Variants in IPO7 observed in about 807,000 individuals in gnomAD.
IPO7 encodes the protein importin 7.
Under a neutral mutation model 136.4 loss-of-function variants are expected in IPO7, and 13 were observed. The ratio of observed to expected loss-of-function variants is 0.10; its 90% CI spans 0.06 to 0.15. The LOEUF is 0.15. Among genes scored for constraint, IPO7 ranks in the 10% least tolerant of loss-of-function variants. IPO7 has a pLI of 1.00. For missense variants in IPO7, 857 were observed against 1,240.6 expected (o/e 0.69, Z 4.65); for synonymous variants, 403 against 404.4 (o/e 1.00, Z 0.04).
chr11:9,384,834 GC>G lies in IPO7; in HGVS notation c.73del (p.Gln25SerfsTer9). The G allele has an allele frequency of 6.2e-7, 1 of 1,600,896 alleles. No homozygotes were observed. Among genetic ancestry groups the G allele is most frequent in the East Asian group, 2.3e-5 (1 of 44,172 alleles). On this transcript the variant is annotated frameshift_variant, in exon 1 of 25. Coordinates refer to ENST00000379719, the MANE Select transcript of IPO7 (RefSeq NM_006391.3). LOFTEE classifies it high-confidence loss of function. ...MDPALREAAE[R>X]QLNEAHKSLN... The stretch of plus-strand genomic sequence containing the variant: ...CCAGCCCTGCGTGAGGCCGCGGAGC[GC>G]CAGCTCAATGAAGTAAGGACGCCCG...
rs746498310 is a variant in IPO7 at position 9,429,005 on chromosome 11, A to G, written c.1426-26A>G. On this transcript the variant is annotated intron_variant, in intron 13 of 24. Transcript: ENST00000379719. ...GGGGAATTTAAGGTAAGGTATCTAC[A>G]GTAACTCACTGTGTTTTTACAAAAG... The G allele has an allele frequency of 1.1e-5, 18 of 1,602,126 alleles. No individual in the cohort carries two copies. In the South Asian group the frequency reaches 1.7e-4, roughly 15 times the overall value.
Position 9,433,770 on chromosome 11 carries a change from A to G in IPO7, c.1998A>G (p.Gln666=). The change falls in exon 18 of 25, where the codon CAA becomes CAG. Residue 666 remains glutamine (Q), a synonymous_variant. Coordinates refer to ENST00000379719, the MANE Select transcript of IPO7 (RefSeq NM_006391.3). Reference sequence around the variant, plus strand: ...TAGCGCACAGTTTGACATGTCAACAAGTGTCTCCACAGATGTGGCAGCTAC... The same window carrying G: ...TAGCGCACAGTTTGACATGTCAACAGGTGTCTCCACAGATGTGGCAGCTAC... The part of the protein sequence containing the change: ...FSLAHSLTCQ[Q]VSPQMWQLLP... 6.2e-7 allele frequency: 1 copy of G among 1,611,848 alleles called. No homozygotes were observed. The highest frequency in any genetic ancestry group is 8.5e-7 in the Non-Finnish European group (1 of 1,179,740).
chr11:9,411,616 A>G (rs1854969238), intron 4 of IPO7, among the ~76,000 whole-genome samples: 1 of 152,142 alleles, frequency 6.6e-6, no homozygotes. Context: ...TTTGGATGTG[A>G]TCTTTTAGAT....
chr11:9,394,411 A>G (rs981742979), intron 1 of IPO7, among the ~76,000 whole-genome samples: 1 of 152,102 alleles, frequency 6.6e-6, no homozygotes, highest in Non-Finnish European at 1.5e-5. Context: ...TTGGCTGTAT[A>G]GTAGAATAGG....
At chr11:9,392,008 G>A (rs1854640149) in intron 1 of IPO7, among the ~76,000 whole-genome samples, 1 of 152,000 alleles carries the variant, frequency 6.6e-6, no homozygotes, top group South Asian at 2.1e-4. Context: ...AATTACAGGT[G>A]CGAGTCACTG....
At chr11:9,401,698 A>G (rs139249172) in intron 1 of IPO7, among the ~76,000 whole-genome samples, 590 of 152,308 alleles carry the variant, frequency 3.9e-3, no homozygotes, top group African/African-American at 0.014. Flanking sequence ...GGGAAATTCT[A>G]TTGCATATTC....
intron 1 of IPO7, chr11:9,392,308 G>C (rs757017563): frequency 3.2e-6 from 1 of 315,504 alleles, no homozygotes; most frequent in Non-Finnish European, 6.2e-6. Flanking sequence ...CTCTTGAGTA[G>C]CTGGGATTAC....
chr11:9,428,860 CATGCGG>C (rs1367722524), intron 13 of IPO7, 165 bp from the exon 14 acceptor site: 1 of 795,264 alleles, frequency 1.3e-6, no homozygotes, highest in Non-Finnish European at 2.3e-6. Flanking sequence ...ACACAAACAT[CATGCGG>C]CCAAAGAGTA....
chr11:9,425,562 G>A (rs1855192173), intron 12 of IPO7, among the ~76,000 whole-genome samples: 3 of 152,100 alleles, frequency 2.0e-5, no homozygotes, highest in Non-Finnish European at 4.4e-5. Flanking sequence ...CCAACATGGT[G>A]AAACCCCGTC....
At chr11:9,419,545 T>TAAAAAAAA (rs1178586532) in intron 6 of IPO7, among the ~76,000 whole-genome samples, 19 of 91,694 alleles carry the variant, frequency 2.1e-4, no homozygotes, top group East Asian at 1.3e-3. Flanking sequence ...AGACTCTGTC[T>TAAAAAAAA]AAAAAAAAAA....
intron 1 of IPO7, among the ~76,000 whole-genome samples, chr11:9,397,494 G>A (rs1371311703): frequency 1.3e-5 from 2 of 150,178 alleles, no homozygotes; most frequent in African/African-American, 4.9e-5. Flanking sequence ...GCCTCCCAAA[G>A]CACTGGGATT....
At chr11:9,392,031 T>G (rs1854640517) in intron 1 of IPO7, among the ~76,000 whole-genome samples, 2 of 152,074 alleles carry the variant, frequency 1.3e-5, no homozygotes, top group Admixed American at 6.6e-5. Context: ...CTTGGCTTAT[T>G]ACTGTTTTTT....
Position 9,436,260 on chromosome 11 carries a change from G to A in IPO7, c.2173-11G>A. On this transcript the variant is annotated splice_polypyrimidine_tract_variant and intron_variant, in intron 19 of 24. Coordinates refer to ENST00000379719, the MANE Select transcript of IPO7 (RefSeq NM_006391.3). ...AAAGCCTTACTGCAATTTATATTCT[G>A]TTTTGATCAGGTTCTTACAGGAGTT... 1 of 1,595,294 alleles carries A rather than the reference G, an allele frequency of 6.3e-7. No individual in the cohort carries two copies. The highest frequency in any genetic ancestry group is 1.7e-5 in the Admixed American group (1 of 59,784).
At position 9,447,717 on chromosome 11, in the gene IPO7, A is replaced by T. The variant is rs1855547735; in HGVS notation, c.*2523A>T. 1 of 152,176 alleles carries T rather than the reference A, an allele frequency of 6.6e-6. No individual in the cohort carries two copies. The highest frequency in any genetic ancestry group is 2.4e-5 in the African/African-American group (1 of 41,462). 9.4% of individuals were successfully genotyped at this position (152,176 alleles called of 1,614,324 possible). A position where few individuals can be genotyped will look rare whatever the true frequency, so the allele number is the denominator to read the frequency against. On this transcript the variant is annotated 3_prime_UTR_variant, in exon 25 of 25. Transcript: ENST00000379719. ...GTATTTGTCTTTGTTAATGGCACAT[A>T]TTAGCATAAATCACTTTTGTAAATG...
At chr11:9,397,827 A>G (rs147000130) in intron 1 of IPO7, among the ~76,000 whole-genome samples, 1 of 152,240 alleles carries the variant, frequency 6.6e-6, no homozygotes, top group African/African-American at 2.4e-5. Context: ...GATATTTGCT[A>G]AGATATTTTC....
chr11:9,410,620 A>G (rs1252463663), intron 4 of IPO7, among the ~76,000 whole-genome samples: 6 of 152,188 alleles, frequency 3.9e-5, no homozygotes, highest in Admixed American at 1.3e-4. Flanking sequence ...TATAGTTCAT[A>G]TAGGTCATTA....
chr11:9,394,451 A>G (rs1277480700), intron 1 of IPO7, among the ~76,000 whole-genome samples: 1 of 152,168 alleles, frequency 6.6e-6, no homozygotes, highest in Non-Finnish European at 1.5e-5. Flanking sequence ...TGTTGCTACT[A>G]CCTGTTGTAC....
At chr11:9,431,843 C>T (rs1000570436) in intron 16 of IPO7, among the ~76,000 whole-genome samples, 6 of 151,918 alleles carry the variant, frequency 3.9e-5, no homozygotes, top group Non-Finnish European at 7.4e-5. Flanking sequence ...GGCATGGTGG[C>T]GGGCGCCTGT....
chr11:9,445,277 A>G lies in IPO7; in HGVS notation c.*83A>G. 2 of 810,294 alleles carry G rather than the reference A, an allele frequency of 2.5e-6. No individual in the cohort carries two copies. Among genetic ancestry groups the G allele is most frequent in the Non-Finnish European group, 4.2e-6 (2 of 480,482 alleles). 50.2% of individuals were successfully genotyped at this position (810,294 alleles called of 1,614,324 possible). A position where few individuals can be genotyped will look rare whatever the true frequency, so the allele number is the denominator to read the frequency against. On this transcript the variant is annotated 3_prime_UTR_variant, in exon 25 of 25. Coordinates refer to ENST00000379719, the MANE Select transcript of IPO7 (RefSeq NM_006391.3). ...AGTGGTTCCAGAACTGGTTCATGTT[A>G]TCTATTCTAAACTAATAATCAATAG...
Sources: allele counts gnomAD v4.1 joint callset (sites outside exome capture counted in the v4.1 genomes callset), GRCh38; gene constraint gnomAD v4.1.1; transcripts MANE v1.5; gene names NCBI Gene and HGNC (gene_info 2026-07-23, HGNC 2026-07-21).